Variants in LRBA observed in about 807,000 individuals in gnomAD.
LRBA encodes the protein LPS responsive beige-like anchor protein.
Under a neutral mutation model 330.0 loss-of-function variants are expected in LRBA, and 176 were observed. The ratio of observed to expected loss-of-function variants is 0.53; its 90% CI spans 0.47 to 0.60. The LOEUF is 0.60. Ranked by LOEUF, LRBA falls within the 20% of genes least tolerant of loss-of-function variation. The pLI is 0.00. For synonymous variants in LRBA, 1,230 were observed against 1,193.0 expected, an observed-to-expected ratio of 1.03 and a Z score of -0.64; for missense variants, 3,259 against 3,444.8, an observed-to-expected ratio of 0.95 and a Z score of 1.35.
rs1167649649 is a variant in LRBA at position 150,282,593 on chromosome 4, C to T, written c.8173G>A (p.Gly2725Ser). 2 of 1,613,844 alleles carry T rather than the reference C, an allele frequency of 1.2e-6. No individual in the cohort carries two copies. Among genetic ancestry groups the T allele is most frequent in the Non-Finnish European group, 8.5e-7 (1 of 1,179,892 alleles). The change falls in exon 55 of 57, where the codon GGT becomes AGT. Residue 2725 changes from glycine to serine, a missense_variant. Transcript: ENST00000651943. ...TTTGGTTTCAGGCAGTTTTCAGGAC[C>T]CTCCAAGGTCCTCAACAAGTCTCCA... ...MNGDLLRTLE[G>S]PENCLKPKLI... is the part of the protein sequence containing the mutation.
intron 47 of LRBA, among the ~76,000 whole-genome samples, chr4:150,380,026 A>C (rs1480256281): frequency 8.0e-6 from 1 of 124,934 alleles, no homozygotes; most frequent in Non-Finnish European, 1.7e-5. Flanking sequence ...AAAAAAAAAA[A>C]AAATTAGCCA....
chr4:150,751,978 T>C (rs1458716877), intron 35 of LRBA, among the ~76,000 whole-genome samples: 1 of 152,136 alleles, frequency 6.6e-6, no homozygotes, highest in Non-Finnish European at 1.5e-5. Context: ...GCAGCAACTG[T>C]CATTTTCACT....
intron 47 of LRBA, among the ~76,000 whole-genome samples, chr4:150,357,117 C>A (rs1467288318): frequency 6.6e-6 from 1 of 152,000 alleles, no homozygotes; most frequent in African/African-American, 2.4e-5. Context: ...TTCTATACTT[C>A]TAAACTGCCC....
Position 150,798,161 on chromosome 4 carries a change from T to G in LRBA, c.5519-19A>C, listed in dbSNP as rs560964089. On this transcript the variant is annotated intron_variant, in intron 33 of 56. Transcript: ENST00000651943. The stretch of plus-strand genomic sequence containing the variant: ...ACCAGACCTATTTTAAAGAGAATTT[T>G]AAAAAAGAAGTTATAAAGAAAACAA... 2.6e-5 allele frequency: 40 copies of G among 1,520,268 alleles called. No homozygotes were observed. The highest frequency in any genetic ancestry group is 3.6e-5 in the Non-Finnish European group (39 of 1,097,792). The allele number at this position is 1,520,268 out of a possible 1,614,324, so 94.2% of individuals were successfully genotyped here. A position where few individuals can be genotyped will look rare whatever the true frequency, so the allele number is the denominator to read the frequency against.
At chr4:150,402,303 C>A (rs1485053510) in intron 47 of LRBA, among the ~76,000 whole-genome samples, 2 of 150,676 alleles carry the variant, frequency 1.3e-5, no homozygotes, top group Non-Finnish European at 1.5e-5. Flanking sequence ...AGAACAATGC[C>A]TAAGCATATT....
intron 46 of LRBA, among the ~76,000 whole-genome samples, chr4:150,417,941 C>T (rs533293466): frequency 2.6e-5 from 4 of 151,628 alleles, no homozygotes; most frequent in African/African-American, 7.3e-5. Context: ...TCTGTTATTT[C>T]ATTCAGGTTA....
chr4:150,412,564 A>G (rs1260738818), intron 47 of LRBA, among the ~76,000 whole-genome samples: 2 of 152,154 alleles, frequency 1.3e-5, no homozygotes, highest in Admixed American at 6.5e-5. Context: ...TATGTAATTA[A>G]ATTTTTTAAT....
intron 17 of LRBA, among the ~76,000 whole-genome samples, chr4:150,876,006 G>A (rs751900537): frequency 6.6e-6 from 1 of 152,202 alleles, no homozygotes; most frequent in Non-Finnish European, 1.5e-5. Context: ...TCCAGGAGAT[G>A]AATGGGATTA....
In LRBA at chr4:150,588,104, C is replaced by G. The variant is rs769501419; in HGVS notation, c.6274G>C (p.Glu2092Gln). ...TCTTCATCCACCTCAAAATAGAGTTCGGAGGAGGTGACAGAAAGAGTGCCC... is the reference window on the plus strand; with the variant it reads ...TCTTCATCCACCTCAAAATAGAGTTGGGAGGAGGTGACAGAAAGAGTGCCC... ...VKGTLSVTSSELYFEVDEEDP... is the reference protein window; with the variant it reads ...VKGTLSVTSSQLYFEVDEEDP... Residue 2092 changes from glutamate to glutamine, a missense_variant, in exon 40 of 57, where the codon GAA becomes CAA. By Grantham distance (29) the Glu-to-Gln change is conservative. Coordinates refer to ENST00000651943, the MANE Select transcript of LRBA (RefSeq NM_001364905.1). The G allele has an allele frequency of 7.4e-6, 12 of 1,611,980 alleles. No homozygotes were observed. Among genetic ancestry groups the G allele is most frequent in the Non-Finnish European group, 1.0e-5 (12 of 1,179,088 alleles).
intron 40 of LRBA, among the ~76,000 whole-genome samples, chr4:150,508,842 G>T (rs79439583): frequency 2.6e-5 from 4 of 152,140 alleles, no homozygotes; most frequent in African/African-American, 9.7e-5. Flanking sequence ...CAAAGGAGTT[G>T]AACAAGACCA....
chr4:150,368,860 G>C (rs1374915993), intron 47 of LRBA, among the ~76,000 whole-genome samples: 1 of 152,174 alleles, frequency 6.6e-6, no homozygotes, highest in African/African-American at 2.4e-5. Flanking sequence ...CATGTTAACA[G>C]GATAGATGTC....
chr4:150,879,129 C>G (rs527926500), intron 17 of LRBA, among the ~76,000 whole-genome samples: 6 of 152,222 alleles, frequency 3.9e-5, no homozygotes, highest in African/African-American at 1.4e-4. Flanking sequence ...CAACAAAATA[C>G]TAGCAAACCA....
Position 150,848,904 on chromosome 4 carries a change from A to G in LRBA, c.4253T>C (p.Ile1418Thr), listed in dbSNP as rs1356289478. Residue 1418 changes from isoleucine (I) to threonine (T), a missense_variant, in exon 26 of 57, where the codon ATA (isoleucine) becomes ACA (threonine). Coordinates refer to ENST00000651943, the MANE Select transcript of LRBA (RefSeq NM_001364905.1). Reference sequence around the variant, plus strand: ...AGTAAAGCCAAGAGAACTTGCAAATATAAGCACATCCACAAGGCTAATTAG... The same window carrying G: ...AGTAAAGCCAAGAGAACTTGCAAATGTAAGCACATCCACAAGGCTAATTAG... ...QRLISLVDVL[I>T]FASSLGFTEI... 1 of 1,613,482 alleles carries G rather than the reference A, an allele frequency of 6.2e-7. No individual in the cohort carries two copies. The highest frequency in any genetic ancestry group is 1.6e-4 in the Middle Eastern group (1 of 6,062).
At chr4:150,365,452 T>C (rs962205315) in intron 47 of LRBA, among the ~76,000 whole-genome samples, 5 of 152,154 alleles carry the variant, frequency 3.3e-5, no homozygotes, top group Non-Finnish European at 5.9e-5. Flanking sequence ...TAATAGGAGT[T>C]CATTCTGCAA....
chr4:150,861,717 G>C (rs1209143054), intron 22 of LRBA, among the ~76,000 whole-genome samples: 2 of 152,008 alleles, frequency 1.3e-5, no homozygotes, highest in Non-Finnish European at 2.9e-5. Context: ...ATTAACCTCA[G>C]CTTACTGTAA....
rs1185452369 is a variant in LRBA at position 150,583,071 on chromosome 4, G to A, written c.6330+4977C>T. 12 of 1,613,376 alleles carry A rather than the reference G, an allele frequency of 7.4e-6. No homozygotes were observed. The highest frequency in any genetic ancestry group is 3.3e-5 in the Admixed American group (2 of 59,990). On this transcript the variant is annotated intron_variant, in intron 40 of 56. Coordinates refer to ENST00000651943, the MANE Select transcript of LRBA (RefSeq NM_001364905.1). The surrounding 1 kb of genome is among the most constrained non-coding windows in gnomAD (Gnocchi z 9.8). ...CCAAGCTGGTTTACCAGCTCAATAA[G>A]TACTACACTGAGCGCTGTCAGGCGC...
At chr4:150,564,503 A>C (rs1024526893) in intron 40 of LRBA, among the ~76,000 whole-genome samples, 5 of 152,220 alleles carry the variant, frequency 3.3e-5, no homozygotes. Flanking sequence ...TAAAACACCA[A>C]AAGCAATGAC....
At position 150,817,176 on chromosome 4, in the gene LRBA, C is replaced by T; in HGVS notation, c.5253G>A (p.Val1751=). Residue 1751 remains valine (V), a synonymous_variant, in exon 31 of 57, where the codon GTG becomes GTA. Coordinates refer to ENST00000651943, the MANE Select transcript of LRBA (RefSeq NM_001364905.1). ...NTSIPTNAVS[V]VSSVDSAQAS... is the part of the protein sequence containing the mutation. Reference sequence around the variant, plus strand: ...CTTGGGCTGAATCTACTGAGGAAACCACACTGACAGCATTGGTAGGTATGC... The same window carrying T: ...CTTGGGCTGAATCTACTGAGGAAACTACACTGACAGCATTGGTAGGTATGC... 1 of 1,612,072 alleles carries T rather than the reference C, an allele frequency of 6.2e-7. No homozygotes were observed. The highest frequency in any genetic ancestry group is 2.2e-5 in the East Asian group (1 of 44,784).
chr4:150,561,783 ATTTTC>A (rs1768374689), intron 40 of LRBA, among the ~76,000 whole-genome samples: 1 of 152,074 alleles, frequency 6.6e-6, no homozygotes. Flanking sequence ...TATATATTCT[ATTTTC>A]TTTTCTCTTA....
Sources: gnomAD v4.1 joint callset for allele counts (sites outside exome capture counted in the v4.1 genomes callset) on GRCh38, gnomAD v4.1.1 for gene constraint, Gnocchi (gnomAD v3.1) non-coding constraint, MANE v1.5 for transcripts, NCBI Gene and HGNC (gene_info 2026-07-23, HGNC 2026-07-21) for gene names.